Variants in GOLGA4 observed in about 807,000 individuals in gnomAD.
GOLGA4 encodes the protein golgin A4, also known as golgin subfamily A member 4.
Under a neutral mutation model 265.9 loss-of-function variants are expected in GOLGA4, and 169 were observed. The observed-to-expected ratio is 0.64, with a 90% confidence interval of 0.56 to 0.72. GOLGA4 has a LOEUF of 0.72. GOLGA4 is among the 30% of genes least tolerant of loss of function. The pLI is 0.00. For missense variants in GOLGA4, 2,482 were observed against 2,483.4 expected (o/e 1.00, Z 0.01); for synonymous variants, 923 against 855.8 (o/e 1.08, Z -1.37).
chr3:37,299,451 T>A, intron 9 of GOLGA4, 80 bp downstream of exon 9: 1 of 794,664 alleles, frequency 1.3e-6, no homozygotes. Context: ...GAAACATTCA[T>A]GCTTGTTTCT....
At chr3:37,318,026 A>G (rs186335681) in intron 11 of GOLGA4, among the ~76,000 whole-genome samples, 1 of 151,496 alleles carries the variant, frequency 6.6e-6, no homozygotes. Context: ...GTTTTTAAAA[A>G]TTTGATTTTT....
chr3:37,305,101 TAG>T (rs1559405736), intron 10 of GOLGA4, among the ~76,000 whole-genome samples: 1 of 152,124 alleles, frequency 6.6e-6, no homozygotes, highest in Non-Finnish European at 1.5e-5. Context: ...GTATTTTTAA[TAG>T]AGACCGGGTT....
chr3:37,288,205 G>A (rs1466217579), intron 4 of GOLGA4, among the ~76,000 whole-genome samples: 4 of 146,864 alleles, frequency 2.7e-5, no homozygotes, highest in Admixed American at 6.8e-5. Context: ...GGGTTCAAGC[G>A]ATTCTCCTGC....
At chr3:37,311,569 C>G (rs551578579) in intron 10 of GOLGA4, among the ~76,000 whole-genome samples, 1 of 152,268 alleles carries the variant, frequency 6.6e-6, no homozygotes, top group Admixed American at 6.5e-5. Context: ...CTTATATATT[C>G]AAGTTGATTT....
At chr3:37,254,616 C>G (rs2096743372) in intron 2 of GOLGA4, among the ~76,000 whole-genome samples, 2 of 151,930 alleles carry the variant, frequency 1.3e-5, no homozygotes, top group African/African-American at 4.8e-5. Context: ...TCAAGTGGCT[C>G]TCCTGCCTCA....
chr3:37,275,215 C>CAAAAAAAAAAA (rs749758741), intron 2 of GOLGA4, among the ~76,000 whole-genome samples: 3 of 44,954 alleles, frequency 6.7e-5, no homozygotes, highest in Admixed American at 3.5e-4. Context: ...GACTCCGTCT[C>CAAAAAAAAAAA]AAAAAAAAAA....
chr3:37,310,942 A>G (rs890287935), intron 10 of GOLGA4, among the ~76,000 whole-genome samples: 11 of 152,142 alleles, frequency 7.2e-5, no homozygotes, highest in Admixed American at 3.3e-4. Flanking sequence ...CCACTCACTT[A>G]TCTTTTGTTG....
chr3:37,254,268 ATACT>A (rs1403448158), intron 2 of GOLGA4, among the ~76,000 whole-genome samples: 1 of 152,188 alleles, frequency 6.6e-6, no homozygotes, highest in Non-Finnish European at 1.5e-5. Flanking sequence ...AATGTAAATA[ATACT>A]TAAGAAAATA....
At chr3:37,346,172 TA>T (rs1002835800) in intron 20 of GOLGA4, among the ~76,000 whole-genome samples, 8 of 152,078 alleles carry the variant, frequency 5.3e-5, no homozygotes, top group African/African-American at 1.9e-4. Flanking sequence ...AGTATGCACT[TA>T]AAAAAATATT....
intron 2 of GOLGA4, among the ~76,000 whole-genome samples, chr3:37,268,768 C>T (rs762376925): frequency 4.6e-5 from 7 of 152,204 alleles, no homozygotes; most frequent in Non-Finnish European, 8.8e-5. Context: ...GATGGGGTTT[C>T]GCCATTTTGG....
chr3:37,314,559 T>C (rs1025006415), intron 10 of GOLGA4, among the ~76,000 whole-genome samples: 2 of 151,686 alleles, frequency 1.3e-5, no homozygotes, highest in Non-Finnish European at 2.9e-5. Flanking sequence ...GAGTATTGCT[T>C]GAACCCGCGA....
At chr3:37,317,284 C>T (rs779835652) in intron 11 of GOLGA4, among the ~76,000 whole-genome samples, 2 of 152,190 alleles carry the variant, frequency 1.3e-5, no homozygotes, top group Non-Finnish European at 2.9e-5. Flanking sequence ...ATTCTCCTGC[C>T]TCAGCCTCCT....
chr3:37,303,441 T>TAAATTGACTC (rs1457490608), intron 10 of GOLGA4, among the ~76,000 whole-genome samples: 11 of 152,338 alleles, frequency 7.2e-5, no homozygotes, highest in Middle Eastern at 6.8e-3. Context: ...GTAAGGACTC[T>TAAATTGACTC]AAATTGACTC....
chr3:37,302,291 G>A lies in GOLGA4; in HGVS notation c.1193G>A (p.Gly398Glu). The change falls in exon 10 of 24, where the codon GGA becomes GAA. Residue 398 changes from glycine (G) to glutamate (E), a missense_variant. Around this residue, in one of 3 missense-constraint regions of GOLGA4, gnomAD observed 1,536 missense variants for 1,483.7 expected, o/e 1.04. Coordinates refer to ENST00000361924, the MANE Select transcript of GOLGA4 (RefSeq NM_002078.5). ...CGCATCAAACAGATGACTACCCAGG[G>A]AGAGGAATTACGGGAACAGAAAGAA... ...RSRIKQMTTQ[G>E]EELREQKEKS... is the part of the protein sequence containing the mutation. 1.2e-6 allele frequency: 2 copies of A among 1,613,706 alleles called. No homozygotes were observed. Among genetic ancestry groups the A allele is most frequent in the Non-Finnish European group, 1.7e-6 (2 of 1,179,632 alleles).
In GOLGA4 at chr3:37,243,587, C is replaced by T. The variant is rs756543599; in HGVS notation, c.37C>T (p.Gln13Ter). The T allele has an allele frequency of 2.5e-6, 4 of 1,613,536 alleles. No homozygotes were observed. The highest frequency in any genetic ancestry group is 3.4e-6 in the Non-Finnish European group (4 of 1,179,680). The change falls in exon 1 of 24, where the codon CAG becomes TAG. Residue 13 changes from glutamine to a stop codon, truncating the protein, a stop_gained. Transcript: ENST00000361924. LOFTEE classifies it high-confidence loss of function. ...KKLKQKISEEQQQLQQALAPA... is the reference protein window; with the variant it reads ...KKLKQKISEE Reference sequence around the variant, plus strand: ...ACTGAAGCAAAAGATCAGCGAGGAGCAGCAGCAGCTCCAGCAGGCGCTGGC... The same window carrying T: ...ACTGAAGCAAAAGATCAGCGAGGAGTAGCAGCAGCTCCAGCAGGCGCTGGC...
At chr3:37,329,734 A>C (rs1391539210) in intron 16 of GOLGA4, among the ~76,000 whole-genome samples, 4 of 152,242 alleles carry the variant, frequency 2.6e-5, no homozygotes, top group Non-Finnish European at 5.9e-5. Context: ...ATGAAGATAC[A>C]CCATGAAGAT....
intron 10 of GOLGA4, among the ~76,000 whole-genome samples, chr3:37,308,346 T>C (rs566764745): frequency 2.0e-5 from 3 of 151,978 alleles, no homozygotes; most frequent in Admixed American, 2.0e-4. Context: ...TTTTGTAGTA[T>C]GGCTTAAAAT....
intron 10 of GOLGA4, among the ~76,000 whole-genome samples, chr3:37,310,197 C>G (rs1388985089): frequency 6.6e-6 from 1 of 152,082 alleles, no homozygotes; most frequent in Admixed American, 6.6e-5. Context: ...AGAAGTGGGT[C>G]TTGTTAACCA....
chr3:37,249,171 G>A lies in GOLGA4; in HGVS notation c.73-2224G>A, dbSNP rs190453669. On this transcript the variant is annotated intron_variant, in intron 1 of 23. Transcript: ENST00000361924. ...AAATTATGGCTCTAGGTGTGGGAAG[G>A]GTTTATTGAATTTATCTCAACTTTA... Among the ~76,000 whole-genome samples the A allele has an allele frequency of 8.5e-5, 13 of 152,230 alleles. No homozygotes were observed. The East Asian group carries it at 2.1e-3, about 25-fold the overall frequency.
Sources: gnomAD v4.1 joint callset for allele counts (sites outside exome capture counted in the v4.1 genomes callset) on GRCh38, gnomAD v4.1.1 for gene constraint, gnomAD v4.1.1 regional missense constraint, MANE v1.5 for transcripts, NCBI Gene and HGNC (gene_info 2026-07-23, HGNC 2026-07-21) for gene names.